CERS3: variants seen among roughly 807,000 people sequenced by gnomAD.
CERS3 encodes ceramide synthase 3, also known as LAG1 homolog, ceramide synthase 3.
A neutral mutation model predicts 50.3 loss-of-function variants in CERS3; 33 were observed. The observed-to-expected ratio is 0.66, with a 90% CI of 0.50 to 0.88. CERS3 has a LOEUF of 0.88. Ranked by LOEUF, CERS3 falls within the 40% of genes least tolerant of loss-of-function variation. The pLI, the probability that CERS3 is intolerant of heterozygous loss-of-function variation, is 0.00. For missense variants in CERS3, 470 were observed against 460.3 expected (o/e 1.02, Z -0.19); for synonymous variants, 176 against 155.2 (o/e 1.13, Z -0.99).
At chr15:100,409,442 G>C (rs1245685850) in intron 11 of CERS3, among the ~76,000 whole-genome samples, 2 of 100,282 alleles carry the variant, frequency 2.0e-5, no homozygotes, top group East Asian at 5.0e-4. Context: ...GAAATCAAAA[G>C]AGCTTAAAAA....
At chr15:100,509,323 A>C (rs1404283563) in intron 2 of CERS3, among the ~76,000 whole-genome samples, 1 of 152,246 alleles carries the variant, frequency 6.6e-6, no homozygotes, top group Non-Finnish European at 1.5e-5. Context: ...TGACAGTCTA[A>C]CTTTTGCTGA....
chr15:100,405,255 A>G (rs932299862), intron 11 of CERS3, among the ~76,000 whole-genome samples: 35 of 137,784 alleles, frequency 2.5e-4, no homozygotes, highest in Admixed American at 1.1e-3. Context: ...AAAACAAAAA[A>G]AAACCCCTAA....
rs764401429 is a variant in CERS3, at chr15:100,469,437, G to A, written c.786C>T (p.Thr262=). ...ATATGGTGGAGAAGATGAAAAACAG[G>A]GTGTTACAGGTCTGCGTCCATCCAG... is the stretch of plus-strand genomic sequence containing the variant. ...SYAGWTQTCN[T]LFFIFSTIFF... is the part of the protein sequence containing the mutation. Residue 262 remains threonine (T), a synonymous_variant, in exon 10 of 12, where the codon ACC becomes ACT. Coordinates refer to ENST00000679737, the MANE Select transcript of CERS3 (RefSeq NM_001378789.1). 14 of 1,613,868 alleles carry A rather than the reference G, an allele frequency of 8.7e-6. No homozygotes were observed. Among genetic ancestry groups the A allele is most frequent in the Non-Finnish European group, 1.2e-5 (14 of 1,179,952 alleles).
intron 4 of CERS3, among the ~76,000 whole-genome samples, chr15:100,486,953 A>G (rs559738895): frequency 9.6e-4 from 146 of 152,306 alleles, no homozygotes; most frequent in Non-Finnish European, 1.8e-3. Context: ...TATATAGAAG[A>G]CAGTAACTGT....
chr15:100,421,602 C>A (rs1412618535), intron 11 of CERS3, among the ~76,000 whole-genome samples: 1 of 148,682 alleles, frequency 6.7e-6, no homozygotes. Context: ...TCATATGGAA[C>A]CAAAAAAGAG....
At chr15:100,532,051 C>T (rs1336494568), upstream of CERS3, among the ~76,000 whole-genome samples, 3 of 149,026 alleles carry the variant, frequency 2.0e-5, no homozygotes, top group Admixed American at 6.7e-5. Context: ...TGGAGAGCCA[C>T]TTAGGAACTA....
chr15:100,401,336 A>T lies in CERS3; in HGVS notation c.*1377T>A, dbSNP rs2030512633. On this transcript the variant is annotated 3_prime_UTR_variant, in exon 12 of 12. Coordinates refer to ENST00000679737, the MANE Select transcript of CERS3 (RefSeq NM_001378789.1). ...CCAGCAGCCACCTGAGAAGTCTCCC[A>T]GGTCAGCCCTGCACATTGTGCCCAG... 1 of 152,358 alleles carries T rather than the reference A, an allele frequency of 6.6e-6. No individual in the cohort carries two copies. The highest frequency in any genetic ancestry group is 1.5e-5 in the Non-Finnish European group (1 of 68,148). The allele number at this position is 152,358 out of a possible 1,614,324, so 9.4% of individuals were successfully genotyped here. A position where few individuals can be genotyped will look rare whatever the true frequency, so the allele number is the denominator to read the frequency against.
At chr15:100,532,711 A>G (rs1027513606), upstream of CERS3, among the ~76,000 whole-genome samples, 2 of 152,190 alleles carry the variant, frequency 1.3e-5, no homozygotes, top group African/African-American at 4.8e-5. Flanking sequence ...GTGAGCTGTA[A>G]TCGGCCCAAT....
In CERS3 at chr15:100,456,012, G is replaced by A. The variant is rs1011622454; in HGVS notation, c.880C>T (p.His294Tyr). 1 of 1,612,240 alleles carries A rather than the reference G, an allele frequency of 6.2e-7. No homozygotes were observed. The highest frequency in any genetic ancestry group is 8.5e-7 in the Non-Finnish European group (1 of 1,179,092). Residue 294 changes from histidine to tyrosine, a missense_variant, in exon 11 of 12, where the codon CAC becomes TAC. Transcript: ENST00000679737. The part of the protein sequence containing the change: ...LYCTLILPMY[H>Y]LEPFFSYIFL... ...ATGTATGAAAAGAAAGGCTCGAGGT[G>A]ATACATAGGCAAGATCAGCGTGCAA...
At chr15:100,420,162 A>G (rs2032309615) in intron 11 of CERS3, among the ~76,000 whole-genome samples, 1 of 148,426 alleles carries the variant, frequency 6.7e-6, no homozygotes. Flanking sequence ...TGAAAGGATC[A>G]ACAAAATTGA....
chr15:100,449,015 GGCACCC>G (rs1482404092), intron 11 of CERS3, among the ~76,000 whole-genome samples: 2 of 152,148 alleles, frequency 1.3e-5, no homozygotes, highest in African/African-American at 4.8e-5. Flanking sequence ...CCAGTAGCAG[GGCACCC>G]TGCCCCTGCC....
intron 11 of CERS3, among the ~76,000 whole-genome samples, chr15:100,443,587 T>C (rs2654591): frequency 0.48 from 67,549 of 140,560 alleles, 15,614 homozygotes; most frequent in East Asian, 0.63. Flanking sequence ...CCCAGCCTCT[T>C]TTCACTTTCA....
At position 100,502,991 on chromosome 15, in the gene CERS3, G is replaced by A. The variant is rs148845559; in HGVS notation, c.-1-1141C>T. Among the ~76,000 whole-genome samples, 198 of 152,294 alleles carry A rather than the reference G, an allele frequency of 1.3e-3. 2 individuals are homozygous for A. The highest frequency in any genetic ancestry group is 3.8e-3 in the African/African-American group (160 of 41,570). On this transcript the variant is annotated intron_variant, in intron 2 of 11. Transcript: ENST00000679737. ...GGAATACAAGTTCTAAGCAGACAAA[G>A]TATTCAGACTACAATCAAGTAACCA...
At chr15:100,418,958 TA>T (rs1339593862) in intron 11 of CERS3, among the ~76,000 whole-genome samples, 4 of 128,292 alleles carry the variant, frequency 3.1e-5, no homozygotes, top group African/African-American at 7.8e-5. Flanking sequence ...GAACAACCAG[TA>T]CCAGCCACTG....
intron 3 of CERS3, among the ~76,000 whole-genome samples, chr15:100,500,776 A>C (rs149532420): frequency 7.9e-4 from 121 of 152,330 alleles, no homozygotes; most frequent in African/African-American, 2.8e-3. Context: ...TTGTTTGTAC[A>C]AAAACTTTTT....
chr15:100,543,533 C>CT (rs61663663), intron 1 of CERS3, among the ~76,000 whole-genome samples: 168 of 139,746 alleles, frequency 1.2e-3, no homozygotes, highest in East Asian at 9.6e-3. Flanking sequence ...TCCTTTCTTT[C>CT]TTTTTTTTTT....
At chr15:100,521,049 A>G (rs746727025) in intron 2 of CERS3, among the ~76,000 whole-genome samples, 1 of 152,220 alleles carries the variant, frequency 6.6e-6, no homozygotes, top group East Asian at 1.9e-4. Flanking sequence ...TCCAATTTGC[A>G]GGTGAACAAT....
intron 7 of CERS3, among the ~76,000 whole-genome samples, chr15:100,476,974 A>C (rs2035146679): frequency 6.6e-6 from 1 of 152,228 alleles, no homozygotes; most frequent in Non-Finnish European, 1.5e-5. Context: ...GAAGAGAATC[A>C]AGGTGCTGAT....
At chr15:100,425,291 G>C (rs2032743676) in intron 11 of CERS3, among the ~76,000 whole-genome samples, 1 of 152,184 alleles carries the variant, frequency 6.6e-6, no homozygotes, top group South Asian at 2.1e-4. Flanking sequence ...TTGACAGCTT[G>C]CACTATGCAC....
Sources: allele counts gnomAD v4.1 joint callset (sites outside exome capture counted in the v4.1 genomes callset), GRCh38; gene constraint gnomAD v4.1.1; transcripts MANE v1.5; gene names NCBI Gene and HGNC (gene_info 2026-07-23, HGNC 2026-07-21).